The following CTNNA3 variants were observed in gnomAD, a reference collection of about 807,000 sequenced individuals.
The protein encoded by CTNNA3 is catenin alpha-3.
In CTNNA3, 76 loss-of-function variants were observed where a neutral mutation model predicts 95.7. The observed-to-expected ratio is 0.79, with a 90% CI of 0.66 to 0.96. The LOEUF (loss-of-function observed/expected upper bound fraction) is 0.96, where lower values mean the gene tolerates loss of function less well. Ranked by LOEUF, CTNNA3 falls within the 40% of genes least tolerant of loss-of-function variation. The pLI, the probability that CTNNA3 is intolerant of heterozygous loss-of-function variation, is 0.00. For missense variants in CTNNA3, 1,191 were observed against 1,089.8 expected (o/e 1.09, Z -1.31); for synonymous variants, 431 against 374.4 (o/e 1.15, Z -1.74).
chr10:67,039,553 T>A (rs907448439), intron 7 of CTNNA3, among the ~76,000 whole-genome samples: 6 of 152,170 alleles, frequency 3.9e-5, no homozygotes, highest in African/African-American at 1.4e-4. Flanking sequence ...TGTTGATACT[T>A]TTTTTGTTTA....
At chr10:66,872,485 A>G (rs1016321499) in intron 7 of CTNNA3, among the ~76,000 whole-genome samples, 10 of 152,066 alleles carry the variant, frequency 6.6e-5, no homozygotes, top group Admixed American at 2.0e-4. Flanking sequence ...CCTGGCCATC[A>G]TGGTGAAACC....
chr10:66,082,936 C>CAT lies in CTNNA3; in HGVS notation c.1978-13449_1978-13448dup, dbSNP rs202222779. ...TCTAAGCACACTTTTTAAGTATTGT[C>CAT]ATATATATATTCATCCATCAGAGTC... is the stretch of plus-strand genomic sequence containing the variant. On this transcript the variant is annotated intron_variant, in intron 14 of 17. Coordinates refer to ENST00000433211, the MANE Select transcript of CTNNA3 (RefSeq NM_013266.4). Among the ~76,000 whole-genome samples the CAT allele has an allele frequency of 2.6e-5, 4 of 152,060 alleles. No individual in the cohort carries two copies. In the East Asian group the frequency reaches 5.8e-4, roughly 22 times the overall value.
intron 7 of CTNNA3, among the ~76,000 whole-genome samples, chr10:67,079,005 G>A (rs200414513): frequency 6.6e-6 from 1 of 152,136 alleles, no homozygotes; most frequent in African/African-American, 2.4e-5. Context: ...CTGAAGTTTG[G>A]ATACAATTTC....
At chr10:66,929,371 C>G (rs894403381) in intron 7 of CTNNA3, among the ~76,000 whole-genome samples, 1 of 152,200 alleles carries the variant, frequency 6.6e-6, no homozygotes, top group Non-Finnish European at 1.5e-5. Context: ...CAGAATTTCT[C>G]TTTCCAGTTT....
chr10:66,646,712 C>T (rs550382104), intron 9 of CTNNA3, among the ~76,000 whole-genome samples: 12 of 152,284 alleles, frequency 7.9e-5, no homozygotes, highest in African/African-American at 2.6e-4. Context: ...TTCCATCATT[C>T]ACTCACTGGG....
chr10:66,094,903 G>A (rs193276548), intron 14 of CTNNA3, among the ~76,000 whole-genome samples: 1 of 152,262 alleles, frequency 6.6e-6, no homozygotes, highest in East Asian at 1.9e-4. Context: ...AGAACATGTT[G>A]TATGATTAGC....
At chr10:67,725,199 G>A (rs977543252) in intron 1 of CTNNA3, among the ~76,000 whole-genome samples, 7 of 147,552 alleles carry the variant, frequency 4.7e-5, no homozygotes, top group African/African-American at 1.0e-4. Context: ...TTTTTGAGAC[G>A]GGAGTCTCGC....
At chr10:66,787,294 G>A (rs950614637) in intron 7 of CTNNA3, among the ~76,000 whole-genome samples, 3 of 151,754 alleles carry the variant, frequency 2.0e-5, no homozygotes, top group African/African-American at 7.3e-5. Context: ...TATTGGTGGT[G>A]TTCATTGCCT....
chr10:66,692,993 AGC>A (rs1220270017), intron 9 of CTNNA3, among the ~76,000 whole-genome samples: 1 of 152,218 alleles, frequency 6.6e-6, no homozygotes, highest in African/African-American at 2.4e-5. Context: ...AACCGGTACC[AGC>A]CACTGCAAAA....
chr10:66,732,824 C>A (rs532985658), intron 9 of CTNNA3, among the ~76,000 whole-genome samples: 1 of 151,952 alleles, frequency 6.6e-6, no homozygotes, highest in South Asian at 2.1e-4. Context: ...GAAACAGATT[C>A]TCATTCTGTT....
chr10:66,948,425 C>A (rs1029863226), intron 7 of CTNNA3, among the ~76,000 whole-genome samples: 1 of 152,136 alleles, frequency 6.6e-6, no homozygotes, highest in Non-Finnish European at 1.5e-5. Flanking sequence ...TGCGTAACAA[C>A]ATGGAGATGC....
At chr10:66,696,798 G>A (rs1243953268) in intron 9 of CTNNA3, among the ~76,000 whole-genome samples, 1 of 151,822 alleles carries the variant, frequency 6.6e-6, no homozygotes, top group Non-Finnish European at 1.5e-5. Context: ...AATTATCCAA[G>A]CATGGTGGTG....
chr10:66,445,377 T>C (rs1378975652), intron 11 of CTNNA3, among the ~76,000 whole-genome samples: 2 of 152,070 alleles, frequency 1.3e-5, no homozygotes, highest in Non-Finnish European at 2.9e-5. Context: ...ACATTTTTTT[T>C]CAGCACCACA....
chr10:67,461,212 G>C (rs1463614709), intron 5 of CTNNA3, among the ~76,000 whole-genome samples: 1 of 152,170 alleles, frequency 6.6e-6, no homozygotes, highest in Admixed American at 6.6e-5. Flanking sequence ...AATATCCCAA[G>C]AGGACATTGA....
intron 5 of CTNNA3, among the ~76,000 whole-genome samples, chr10:67,372,303 A>T (rs1472598529): frequency 6.6e-6 from 1 of 152,154 alleles, no homozygotes; most frequent in African/African-American, 2.4e-5. Flanking sequence ...GTCCTTGCCC[A>T]TGCCTATGTC....
At chr10:67,021,900 T>C (rs73326981) in intron 7 of CTNNA3, among the ~76,000 whole-genome samples, 1,557 of 152,278 alleles carry the variant, frequency 0.01, 26 homozygotes, top group African/African-American at 0.035. Flanking sequence ...AAAAGAAGGA[T>C]GCAGACTTAG....
intron 7 of CTNNA3, among the ~76,000 whole-genome samples, chr10:67,177,976 G>C (rs555973859): frequency 1.1e-4 from 17 of 152,266 alleles, no homozygotes; most frequent in Admixed American, 3.9e-4. Context: ...AGGGGTCCCA[G>C]GCTTGGGTTT....
At chr10:67,619,787 A>G (rs1053264267) in intron 2 of CTNNA3, among the ~76,000 whole-genome samples, 2 of 152,164 alleles carry the variant, frequency 1.3e-5, no homozygotes, top group Non-Finnish European at 2.9e-5. Flanking sequence ...TTTTTATTCC[A>G]TTTATCTTCA....
intron 2 of CTNNA3, among the ~76,000 whole-genome samples, chr10:67,612,450 T>C (rs1050090421): frequency 2.0e-5 from 3 of 152,136 alleles, no homozygotes; most frequent in African/African-American, 7.2e-5. Flanking sequence ...GGGAGGTATG[T>C]AAGCCAGGGA....
Sources: allele counts gnomAD v4.1 joint callset (sites outside exome capture counted in the v4.1 genomes callset), GRCh38; gene constraint gnomAD v4.1.1; transcripts MANE v1.5; gene names NCBI Gene and HGNC (gene_info 2026-07-23, HGNC 2026-07-21).